The following ROBO3 variants were observed in gnomAD, a reference collection of about 807,000 sequenced individuals.
The protein encoded by ROBO3 is roundabout guidance receptor 3, also known as roundabout homolog 3.
ROBO3 carries 97 observed loss-of-function variants against 160.5 expected under a neutral mutation model. The ratio of observed to expected loss-of-function variants is 0.60; its 90% CI spans 0.51 to 0.72. The LOEUF (loss-of-function observed/expected upper bound fraction) is 0.72. Ranked by LOEUF, ROBO3 falls within the 30% of genes least tolerant of loss-of-function variation. The pLI, the probability that ROBO3 is intolerant of heterozygous loss-of-function variation, is 0.00. For synonymous variants in ROBO3, 780 were observed against 746.2 expected (o/e 1.05, Z -0.74); for missense variants, 1,858 against 1,846.5 (o/e 1.01, Z -0.11).
At position 124,872,902 on chromosome 11, in the gene ROBO3, C is replaced by T; in HGVS notation, c.1349C>T (p.Pro450Leu). The T allele has an allele frequency of 1.1e-5, 18 of 1,608,146 alleles. No individual in the cohort carries two copies. The South Asian group carries it at 1.9e-4, about 17-fold the overall frequency. ...CTCTCAGCCTCTTTGGATGGGCTGCCTCCTGTCATCCTCCAGGGACCAGCC... is the reference window on the plus strand; with the variant it reads ...CTCTCAGCCTCTTTGGATGGGCTGCTTCCTGTCATCCTCCAGGGACCAGCC... ...EIKGASLDGL[P>L]PVILQGPANQ... The change falls in exon 9 of 28, where the codon CCT becomes CTT. Residue 450 changes from proline to leucine, a missense_variant. Pro to Leu is a moderately conservative substitution (Grantham distance 98). Coordinates refer to ENST00000397801, the MANE Select transcript of ROBO3 (RefSeq NM_022370.4). The surrounding 1 kb of genome is among the most constrained non-coding windows in gnomAD (Gnocchi z 4.3).
Position 124,869,712 on chromosome 11 carries a change from A to G in ROBO3, c.645+105A>G, listed in dbSNP as rs1946254187. The G allele has an allele frequency of 7.4e-7, 1 of 1,344,240 alleles. No homozygotes were observed. Among genetic ancestry groups the G allele is most frequent in the Non-Finnish European group, 1.0e-6 (1 of 991,468 alleles). 83.3% of individuals were successfully genotyped at this position (1,344,240 alleles called of 1,614,324 possible). ...TCAGGGCATTAGCTAACCAGAGACTAAGAGTCAGCTATACAGTGAGGGATA... is the reference window on the plus strand; with the variant it reads ...TCAGGGCATTAGCTAACCAGAGACTGAGAGTCAGCTATACAGTGAGGGATA... On this transcript the variant is annotated intron_variant, in intron 3 of 27. Coordinates refer to ENST00000397801, the MANE Select transcript of ROBO3 (RefSeq NM_022370.4). The surrounding 1 kb of genome is among the most constrained non-coding windows in gnomAD (Gnocchi z 4.2).
intron 1 of ROBO3, among the ~76,000 whole-genome samples, chr11:124,867,059 G>C (rs966137564): frequency 6.6e-6 from 1 of 152,124 alleles, no homozygotes; most frequent in Non-Finnish European, 1.5e-5. Flanking sequence ...TTGCCGCCGA[G>C]AAAACGCTTT....
Position 124,877,641 on chromosome 11 carries a change from A to T in ROBO3, c.2969A>T (p.Asp990Val), listed in dbSNP as rs969844979. The T allele has an allele frequency of 2.5e-6, 4 of 1,610,938 alleles. No individual in the cohort carries two copies. In the African/African-American group the frequency reaches 4.0e-5, roughly 16 times the overall value. The change falls in exon 20 of 28, where the codon GAC (aspartate) becomes GTC (valine). Residue 990 changes from aspartate (D) to valine (V), a missense_variant. Coordinates refer to ENST00000397801, the MANE Select transcript of ROBO3 (RefSeq NM_022370.4). ...GSCCPSNPDP[D>V]DRYYNEAGIS... is the part of the protein sequence containing the mutation. ...TGCTGCCCTAGCAATCCTGACCCGG[A>T]CGACAGATATTACAACGGTGAGGAG...
In ROBO3 at chr11:124,878,198, C is replaced by T; in HGVS notation, c.3181+67C>T. ...GGTATCCCCAAAGAGGATCCTCCTC[C>T]CTGACCCTCTGGCACCTAGCCCGGC... On this transcript the variant is annotated intron_variant, in intron 21 of 27. Transcript: ENST00000397801. The surrounding 1 kb of genome is among the most constrained non-coding windows in gnomAD (Gnocchi z 4.3). The T allele has an allele frequency of 6.4e-7, 1 of 1,567,014 alleles. No homozygotes were observed. The highest frequency in any genetic ancestry group is 8.7e-7 in the Non-Finnish European group (1 of 1,150,510).
At position 124,865,731 on chromosome 11, in the gene ROBO3, C is replaced by A; in HGVS notation, c.154C>A (p.Leu52Ile). ...HTLLPPGDPS[L>I]NGSRVGPEDA... ...CCTGCTGCCTCCCGGCGATCCCTCT[C>A]TCAACGGTGAGACCCTGCCTCTTGG... The change falls in exon 1 of 28, where the codon CTC becomes ATC. Residue 52 changes from leucine to isoleucine, a missense_variant. Leu to Ile is a conservative substitution (Grantham distance 5, BLOSUM62 2). Coordinates refer to ENST00000397801, the MANE Select transcript of ROBO3 (RefSeq NM_022370.4). The surrounding 1 kb of genome is among the most constrained non-coding windows in gnomAD (Gnocchi z 5.5). 6.2e-7 allele frequency: 1 copy of A among 1,607,814 alleles called. No homozygotes were observed. Among genetic ancestry groups the A allele is most frequent in the Non-Finnish European group, 8.5e-7 (1 of 1,178,100 alleles).
intron 15 of ROBO3, 41 bp downstream of exon 15, chr11:124,875,726 G>A (rs771256887): frequency 7.0e-6 from 11 of 1,562,054 alleles, no homozygotes; most frequent in Non-Finnish European, 1.7e-6. Context: ...GGGCCAGGCC[G>A]GGAGGGAGAG....
In ROBO3 at chr11:124,879,339, C is replaced by A. The variant is rs750843104; in HGVS notation, c.3683C>A (p.Pro1228Gln). The A allele has an allele frequency of 2.3e-5, 37 of 1,608,458 alleles. No individual in the cohort carries two copies. The highest frequency in any genetic ancestry group is 2.9e-5 in the Non-Finnish European group (34 of 1,176,516). ...GCCCCTAGCACAGCCAGCAGTGCCC[C>A]AGGTAAGTCTCTACAACCTCCTTTT... is the stretch of plus-strand genomic sequence containing the variant. The part of the protein sequence containing the change: ...SPAPSTASSA[P>Q]GRTWQGNGEM... The change falls in exon 24 of 28, where the codon CCA becomes CAA. Residue 1228 changes from proline (P) to glutamine (Q), a missense_variant and splice_region_variant. Transcript: ENST00000397801.
chr11:124,877,345 C>T, intron 19 of ROBO3, 36 bp downstream of exon 19: 2 of 1,612,400 alleles, frequency 1.2e-6, no homozygotes, highest in East Asian at 2.2e-5. Context: ...GGATGACCTC[C>T]ACCGACAGGC....
At chr11:124,874,550 G>C (rs778656334) in intron 12 of ROBO3, among the ~76,000 whole-genome samples, 1 of 152,186 alleles carries the variant, frequency 6.6e-6, no homozygotes, top group Non-Finnish European at 1.5e-5. Flanking sequence ...GGACCATGGA[G>C]GGGCCATCTT....
rs1946292760 is a variant in ROBO3, at chr11:124,872,668, T to C, written c.1330+116T>C. 1.7e-6 allele frequency: 2 copies of C among 1,162,892 alleles called. No homozygotes were observed. Among genetic ancestry groups the C allele is most frequent in the South Asian group, 3.2e-5 (2 of 63,226 alleles). The allele number at this position is 1,162,892 out of a possible 1,614,324, so 72.0% of individuals were successfully genotyped here. A position where few individuals can be genotyped will look rare whatever the true frequency, so the allele number is the denominator to read the frequency against. On this transcript the variant is annotated intron_variant, in intron 8 of 27. Coordinates refer to ENST00000397801, the MANE Select transcript of ROBO3 (RefSeq NM_022370.4). The surrounding 1 kb of genome is among the most constrained non-coding windows in gnomAD (Gnocchi z 4.3). Reference sequence around the variant, plus strand: ...GTCTGCAAGAGGAGAGATGTGTTCCTGAGGCATGACCTTGAAGTTTGGAAA... The same window carrying C: ...GTCTGCAAGAGGAGAGATGTGTTCCCGAGGCATGACCTTGAAGTTTGGAAA...
At chr11:124,880,033 A>G in intron 26 of ROBO3, 85 bp downstream of exon 26, 1 of 1,315,590 alleles carries the variant, frequency 7.6e-7, no homozygotes, top group Non-Finnish European at 1.0e-6. Flanking sequence ...AGACCAGCTC[A>G]GCCCTCCCTT....
Position 124,868,789 on chromosome 11 carries a change from C to A in ROBO3, c.161-13C>A. ...TCCCTGTCTGAACGCTCTGCGCCAC[C>A]CCCTGTCCCCAGGGTCAAGGGTAGG... On this transcript the variant is annotated splice_polypyrimidine_tract_variant and intron_variant, in intron 1 of 27. Transcript: ENST00000397801. 1 of 1,599,480 alleles carries A rather than the reference C, an allele frequency of 6.3e-7. No individual in the cohort carries two copies. Among genetic ancestry groups the A allele is most frequent in the Non-Finnish European group, 8.5e-7 (1 of 1,173,204 alleles).
In ROBO3 at chr11:124,879,180, G is replaced by T. The variant is rs1366825195; in HGVS notation, c.3534-10G>T. The T allele has an allele frequency of 1.3e-6, 2 of 1,550,070 alleles. No individual in the cohort carries two copies. The highest frequency in any genetic ancestry group is 1.7e-6 in the Non-Finnish European group (2 of 1,146,248). ...GAGGGAACAGAGGCTGCGGCCTCCT[G>T]TCATTGCAGGAGGGTGCCCCTTGGG... On this transcript the variant is annotated splice_polypyrimidine_tract_variant and intron_variant, in intron 23 of 27. Coordinates refer to ENST00000397801, the MANE Select transcript of ROBO3 (RefSeq NM_022370.4).
At position 124,878,638 on chromosome 11, in the gene ROBO3, G is replaced by A. The variant is rs1342870060; in HGVS notation, c.3375G>A (p.Glu1125=). The A allele has an allele frequency of 6.2e-7, 1 of 1,613,370 alleles. No individual in the cohort carries two copies. The change falls in exon 23 of 28, where the codon GAG becomes GAA. Residue 1125 remains glutamate (E), a synonymous_variant. Coordinates refer to ENST00000397801, the MANE Select transcript of ROBO3 (RefSeq NM_022370.4). The surrounding 1 kb of genome is among the most constrained non-coding windows in gnomAD (Gnocchi z 4.3). ...TGCCTGAGAGAAGTCACCTGACGGA[G>A]CCCAGCTCCAGTGGAGGGTGCCTGG... ...PPMPERSHLT[E]PSSSGGCLVT...
At position 124,865,561 on chromosome 11, in the gene ROBO3, C is replaced by G; in HGVS notation, c.-17C>G. On this transcript the variant is annotated 5_prime_UTR_variant, in exon 1 of 28. In the 5' UTR this introduces an upstream ATG that the reference lacks. Coordinates refer to ENST00000397801, the MANE Select transcript of ROBO3 (RefSeq NM_022370.4). This position sits in a 1 kb window ranked among gnomAD's most constrained non-coding sequence, Gnocchi z 5.5. The stretch of plus-strand genomic sequence containing the variant: ...TGGGCCCCCAGCCCCCAGTCCCGAT[C>G]CCAGCTGGGTCGAGCCATGCTGCGC... 6.2e-7 allele frequency: 1 copy of G among 1,609,382 alleles called. No homozygotes were observed. The highest frequency in any genetic ancestry group is 1.1e-5 in the South Asian group (1 of 90,434).
At chr11:124,880,668 C>A (rs529816004) in intron 27 of ROBO3, 60 bp downstream of exon 27, 5 of 1,451,550 alleles carry the variant, frequency 3.4e-6, no homozygotes, top group African/African-American at 2.9e-5. Context: ...TGGACCAAGG[C>A]GTAATGGAAA....
intron 1 of ROBO3, among the ~76,000 whole-genome samples, chr11:124,866,924 G>T (rs1312825116): frequency 2.6e-5 from 4 of 152,104 alleles, no homozygotes; most frequent in East Asian, 1.9e-4. Context: ...ATCCCTTCTC[G>T]CTGGCACCCC....
Position 124,876,688 on chromosome 11 carries a change from C to T in ROBO3, c.2779+228C>T. 2.1e-6 allele frequency: 1 copy of T among 484,654 alleles called. No individual in the cohort carries two copies. Among genetic ancestry groups the T allele is most frequent in the Non-Finnish European group, 3.6e-6 (1 of 279,760 alleles). 30.0% of individuals were successfully genotyped at this position (484,654 alleles called of 1,614,324 possible). On this transcript the variant is annotated intron_variant, in intron 17 of 27. Coordinates refer to ENST00000397801, the MANE Select transcript of ROBO3 (RefSeq NM_022370.4). The surrounding 1 kb of genome is among the most constrained non-coding windows in gnomAD (Gnocchi z 5.3). ...GGCGGGATCTGGATGACGTTTGCCT[C>T]TAAGACGCCACGAGGAGGCCAGGCT...
At position 124,881,335 on chromosome 11, in the gene ROBO3, G is replaced by C; in HGVS notation, c.*85G>C. 3 of 1,373,284 alleles carry C rather than the reference G, an allele frequency of 2.2e-6. No homozygotes were observed. The highest frequency in any genetic ancestry group is 3.0e-6 in the Non-Finnish European group (3 of 983,704). The allele number at this position is 1,373,284 out of a possible 1,614,324, so 85.1% of individuals were successfully genotyped here. On this transcript the variant is annotated 3_prime_UTR_variant, in exon 28 of 28. Transcript: ENST00000397801. Reference sequence around the variant, plus strand: ...TTTCCCCCCCAGCAGTGATGAGTGGGGCTAGCTGAAGCCCATTGGTTTCCA... The same window carrying C: ...TTTCCCCCCCAGCAGTGATGAGTGGCGCTAGCTGAAGCCCATTGGTTTCCA...
Sources: allele counts gnomAD v4.1 joint callset (sites outside exome capture counted in the v4.1 genomes callset), GRCh38; gene constraint gnomAD v4.1.1; non-coding constraint Gnocchi (gnomAD v3.1); transcripts MANE v1.5; gene names NCBI Gene and HGNC (gene_info 2026-07-23, HGNC 2026-07-21).